MRPL15: variants seen among roughly 807,000 people sequenced by gnomAD.
The protein encoded by MRPL15 is mitochondrial ribosomal protein L15.
Under a neutral mutation model 28.0 loss-of-function variants are expected in MRPL15, and 24 were observed. That is an observed-to-expected ratio of 0.86 (90% CI 0.62 to 1.21). The LOEUF (loss-of-function observed/expected upper bound fraction) is 1.21. Ranked by LOEUF, MRPL15 falls within the 50% of genes most tolerant of loss-of-function variation. MRPL15 has a pLI of 0.00. For missense variants in MRPL15, 343 were observed against 372.4 expected (o/e 0.92, Z 0.65); for synonymous variants, 124 against 137.0 (o/e 0.90, Z 0.66).
At chr8:54,144,002 G>T (rs947255398) in intron 4 of MRPL15, among the ~76,000 whole-genome samples, 1 of 151,860 alleles carries the variant, frequency 6.6e-6, no homozygotes, top group East Asian at 1.9e-4. Context: ...GTGTGCACAC[G>T]CACACACGCA....
chr8:54,143,970 T>C (rs1810974743), intron 4 of MRPL15, among the ~76,000 whole-genome samples: 1 of 152,260 alleles, frequency 6.6e-6, no homozygotes, highest in Non-Finnish European at 1.5e-5. Context: ...AAAGAGCATA[T>C]GTACACACAT....
chr8:54,140,488 C>G (rs1810903311), intron 3 of MRPL15, among the ~76,000 whole-genome samples: 3 of 151,466 alleles, frequency 2.0e-5, no homozygotes, highest in African/African-American at 7.3e-5. Context: ...GTTTCAAACT[C>G]CAGACATCAA....
chr8:54,145,329 C>T (rs1483612592), intron 4 of MRPL15, among the ~76,000 whole-genome samples: 1 of 152,142 alleles, frequency 6.6e-6, no homozygotes, highest in Non-Finnish European at 1.5e-5. Flanking sequence ...ATCCTCCCAT[C>T]TCAGCCTCAT....
intron 3 of MRPL15, among the ~76,000 whole-genome samples, chr8:54,140,854 T>A (rs1259680666): frequency 6.6e-6 from 1 of 152,032 alleles, no homozygotes; most frequent in Non-Finnish European, 1.5e-5. Context: ...AATGCTGGGA[T>A]TACAGGCGTG....
At chr8:54,143,674 C>T (rs1423565503) in intron 4 of MRPL15, among the ~76,000 whole-genome samples, 3 of 152,172 alleles carry the variant, frequency 2.0e-5, no homozygotes, top group Admixed American at 1.3e-4. Context: ...TGGACTGTCA[C>T]TCCTTTGCAC....
At chr8:54,138,518 T>A (rs918575231) in intron 3 of MRPL15, among the ~76,000 whole-genome samples, 2 of 150,746 alleles carry the variant, frequency 1.3e-5, no homozygotes, top group African/African-American at 2.4e-5. Flanking sequence ...GGGGTTTTGC[T>A]ATGTTGGCCA....
intron 3 of MRPL15, among the ~76,000 whole-genome samples, chr8:54,141,601 C>T (rs967467550): frequency 2.6e-5 from 4 of 152,022 alleles, no homozygotes; most frequent in African/African-American, 9.7e-5. Flanking sequence ...TATAGTCGTC[C>T]CTTAGGATTG....
chr8:54,143,484 C>T (rs943378331), intron 4 of MRPL15, among the ~76,000 whole-genome samples: 31 of 152,054 alleles, frequency 2.0e-4, no homozygotes, highest in African/African-American at 7.2e-4. Flanking sequence ...TCTTTTATGC[C>T]CTCATAAATC....
chr8:54,146,856 T>G (rs1431682201), intron 4 of MRPL15, among the ~76,000 whole-genome samples: 1 of 152,228 alleles, frequency 6.6e-6, no homozygotes, highest in Non-Finnish European at 1.5e-5. Flanking sequence ...AAAACAGAAC[T>G]GGGGTTATGC....
intron 4 of MRPL15, among the ~76,000 whole-genome samples, chr8:54,145,564 C>T (rs983288156): frequency 6.6e-6 from 1 of 151,940 alleles, no homozygotes; most frequent in Non-Finnish European, 1.5e-5. Flanking sequence ...ATCTGAAACT[C>T]CTGAGCTCAA....
At chr8:54,142,447 C>T (rs1308804197) in intron 3 of MRPL15, among the ~76,000 whole-genome samples, 4 of 152,206 alleles carry the variant, frequency 2.6e-5, no homozygotes, top group East Asian at 1.9e-4. Context: ...TGAACCACTG[C>T]GCCCAGCCTT....
intron 3 of MRPL15, among the ~76,000 whole-genome samples, chr8:54,141,280 G>A (rs900815587): frequency 9.2e-5 from 14 of 152,028 alleles, no homozygotes; most frequent in Non-Finnish European, 1.5e-4. Flanking sequence ...CGGTATTTCC[G>A]TCTATGAAAG....
At chr8:54,135,449 C>T in intron 1 of MRPL15, 58 bp downstream of exon 1, 3 of 1,413,972 alleles carry the variant, frequency 2.1e-6, no homozygotes, top group Non-Finnish European at 2.9e-6. Flanking sequence ...GAAAGCGGCC[C>T]TTCTCTCCCT....
At chr8:54,141,125 G>A (rs1429243163) in intron 3 of MRPL15, among the ~76,000 whole-genome samples, 2 of 152,126 alleles carry the variant, frequency 1.3e-5, no homozygotes, top group South Asian at 2.1e-4. Context: ...TAGGGATAAG[G>A]AAGATTAGTT....
At chr8:54,136,747 T>A in intron 2 of MRPL15, 82 bp downstream of exon 2, 1 of 1,489,852 alleles carries the variant, frequency 6.7e-7, no homozygotes, top group Non-Finnish European at 9.0e-7. Context: ...GAAATTTTGG[T>A]GGAAATTGTA....
At chr8:54,147,232 C>T in intron 4 of MRPL15, 150 bp from the exon 5 acceptor site, 2 of 585,940 alleles carry the variant, frequency 3.4e-6, no homozygotes, top group Non-Finnish European at 5.3e-6. Context: ...AACTGCGTCT[C>T]AAAAAAAAAA....
chr8:54,147,788 A>G lies in MRPL15; in HGVS notation c.*69A>G. ...GGGGCTGAAGGATCTATATTCCCTT[A>G]TTGCATTTTCCTTATGTATAATTTT... On this transcript the variant is annotated 3_prime_UTR_variant, in exon 5 of 5. Transcript: ENST00000260102. The G allele has an allele frequency of 1.5e-6, 2 of 1,339,424 alleles. No individual in the cohort carries two copies. Among genetic ancestry groups the G allele is most frequent in the African/African-American group, 1.5e-5 (1 of 67,902 alleles). The allele number at this position is 1,339,424 out of a possible 1,614,324, so 83.0% of individuals were successfully genotyped here.
chr8:54,140,683 C>T (rs1810909999), intron 3 of MRPL15, among the ~76,000 whole-genome samples: 2 of 149,880 alleles, frequency 1.3e-5, no homozygotes, highest in Admixed American at 1.4e-4. Context: ...ACACCATTCT[C>T]CTGCCTCAGC....
At chr8:54,144,452 TC>T (rs1288915084) in intron 4 of MRPL15, among the ~76,000 whole-genome samples, 2 of 152,156 alleles carry the variant, frequency 1.3e-5, no homozygotes, top group African/African-American at 2.4e-5. Context: ...ATTTCCTTTT[TC>T]CCATAATTGA....
Sources: gnomAD v4.1 joint callset for allele counts (sites outside exome capture counted in the v4.1 genomes callset) on GRCh38, gnomAD v4.1.1 for gene constraint, MANE v1.5 for transcripts, NCBI Gene and HGNC (gene_info 2026-07-23, HGNC 2026-07-21) for gene names.